APP: variants seen among roughly 807,000 people sequenced by gnomAD.
APP encodes the protein amyloid beta precursor protein.
In APP, 31 loss-of-function variants were observed where a neutral mutation model predicts 101.4. The ratio of observed to expected loss-of-function variants is 0.31; its 90% CI spans 0.23 to 0.41. The LOEUF (loss-of-function observed/expected upper bound fraction) is 0.41. APP is among the 10% of genes least tolerant of loss of function. APP has a pLI of 1.00. For missense variants in APP, 839 were observed against 1,003.7 expected (o/e 0.84, Z 2.22); for synonymous variants, 366 against 364.4 (o/e 1.00, Z -0.05).
intron 5 of APP, among the ~76,000 whole-genome samples, chr21:26,029,584 T>C (rs61091178): frequency 6.6e-6 from 1 of 151,314 alleles, no homozygotes. Flanking sequence ...GCAGGGTGGG[T>C]AGAGCATGTG....
intron 6 of APP, among the ~76,000 whole-genome samples, chr21:26,012,139 C>G (rs1303089596): frequency 6.6e-6 from 1 of 151,688 alleles, no homozygotes; most frequent in African/African-American, 2.4e-5. Flanking sequence ...TCCTGAGTAG[C>G]TGGGACTATA....
intron 2 of APP, 35 bp downstream of exon 2, chr21:26,111,944 C>A (rs1568988846): frequency 1.9e-6 from 3 of 1,612,510 alleles, no homozygotes; most frequent in East Asian, 4.5e-5. Context: ...TGCATGTGAT[C>A]CAACGTGAAT....
At chr21:26,099,958 T>A (rs560424245) in intron 2 of APP, among the ~76,000 whole-genome samples, 1 of 152,370 alleles carries the variant, frequency 6.6e-6, no homozygotes, top group East Asian at 1.9e-4. Flanking sequence ...TATATTGTTA[T>A]ATCCACACTT....
intron 14 of APP, 36 bp from the exon 15 acceptor site, chr21:25,905,113 A>C (rs1453050961): frequency 2.5e-6 from 4 of 1,573,894 alleles, no homozygotes; most frequent in African/African-American, 2.7e-5. Flanking sequence ...GAAAGCAAAC[A>C]AGACAAATCA....
intron 1 of APP, among the ~76,000 whole-genome samples, chr21:26,120,870 C>T (rs2062550441): frequency 6.6e-6 from 1 of 152,176 alleles, no homozygotes; most frequent in African/African-American, 2.4e-5. Context: ...ATACTTCTCC[C>T]AGCAAAGGAC....
intron 1 of APP, among the ~76,000 whole-genome samples, chr21:26,166,018 A>C (rs554264006): frequency 6.6e-6 from 1 of 152,346 alleles, no homozygotes; most frequent in Admixed American, 6.5e-5. Flanking sequence ...ATAATAATCT[A>C]TAACCAAGAT....
Position 26,167,223 on chromosome 21 carries a change from G to T in APP, c.57+3341C>A, listed in dbSNP as rs2063637049. Among the ~76,000 whole-genome samples, 3 of 152,134 alleles carry T rather than the reference G, an allele frequency of 2.0e-5. No homozygotes were observed. The South Asian group carries it at 6.2e-4, about 32-fold the overall frequency. ...CACTTTGTTTTATTATCATGTGCATGTTTTATTTACCCTGCAAACTTCCTG... is the reference window on the plus strand; with the variant it reads ...CACTTTGTTTTATTATCATGTGCATTTTTTATTTACCCTGCAAACTTCCTG... On this transcript the variant is annotated intron_variant, in intron 1 of 17. Coordinates refer to ENST00000346798, the MANE Select transcript of APP (RefSeq NM_000484.4).
At chr21:26,159,218 T>TG (rs1481315282) in intron 1 of APP, among the ~76,000 whole-genome samples, 6 of 152,152 alleles carry the variant, frequency 3.9e-5, no homozygotes, top group African/African-American at 1.4e-4. Flanking sequence ...TAGCTGGGAC[T>TG]ACAGGTGCCT....
At chr21:25,939,743 A>AG (rs1440333325) in intron 13 of APP, among the ~76,000 whole-genome samples, 3 of 152,256 alleles carry the variant, frequency 2.0e-5, no homozygotes, top group Admixed American at 6.5e-5. Flanking sequence ...CAGAAAATCG[A>AG]GGGGCTCTCC....
At chr21:26,141,601 A>G (rs1476410454) in intron 1 of APP, among the ~76,000 whole-genome samples, 14 of 152,190 alleles carry the variant, frequency 9.2e-5, no homozygotes, top group Admixed American at 9.2e-4. Flanking sequence ...CTCTGAAAAC[A>G]TCTGGCAAAT....
At chr21:26,108,942 T>C (rs1470819157) in intron 2 of APP, among the ~76,000 whole-genome samples, 2 of 152,014 alleles carry the variant, frequency 1.3e-5, no homozygotes, top group African/African-American at 4.8e-5. Context: ...GTCTAGTGAC[T>C]TCCTGTTGCT....
intron 3 of APP, among the ~76,000 whole-genome samples, chr21:26,075,962 C>T (rs537386981): frequency 1.6e-4 from 25 of 152,240 alleles, no homozygotes; most frequent in African/African-American, 5.3e-4. Flanking sequence ...GGCGCGATCT[C>T]GGCTCACTGC....
chr21:25,986,784 G>A (rs2042655371), intron 8 of APP, among the ~76,000 whole-genome samples: 1 of 152,152 alleles, frequency 6.6e-6, no homozygotes, highest in Non-Finnish European at 1.5e-5. Flanking sequence ...TAAAGGCTAG[G>A]ATTTCCATGT....
chr21:25,903,736 T>TA (rs2038637014), intron 15 of APP, among the ~76,000 whole-genome samples: 1 of 152,122 alleles, frequency 6.6e-6, no homozygotes, highest in African/African-American at 2.4e-5. Flanking sequence ...ACATTGACAA[T>TA]AAGGAGGACA....
At chr21:25,918,701 T>G (rs543840684) in intron 13 of APP, among the ~76,000 whole-genome samples, 132 of 151,664 alleles carry the variant, frequency 8.7e-4, no homozygotes, top group African/African-American at 3.1e-3. Context: ...ACCACGAGAC[T>G]ATATCCCACA....
chr21:26,074,199 TAA>T (rs1293996328), intron 3 of APP, among the ~76,000 whole-genome samples: 1 of 152,022 alleles, frequency 6.6e-6, no homozygotes, highest in African/African-American at 2.4e-5. Flanking sequence ...AATCAATAAA[TAA>T]AGAGAATGCC....
intron 13 of APP, among the ~76,000 whole-genome samples, chr21:25,924,411 C>CAAAA (rs551284093): frequency 0.022 from 1,246 of 56,788 alleles, 29 homozygotes; most frequent in Middle Eastern, 0.031. Context: ...TTTGCAAATA[C>CAAAA]AAAAAAAAAA....
chr21:26,097,361 A>C (rs2061965510), intron 2 of APP, among the ~76,000 whole-genome samples: 1 of 152,230 alleles, frequency 6.6e-6, no homozygotes, highest in African/African-American at 2.4e-5. Flanking sequence ...GGGATAGCAC[A>C]GTAAGTGTCT....
intron 1 of APP, among the ~76,000 whole-genome samples, chr21:26,136,788 T>C (rs1443487878): frequency 6.6e-6 from 1 of 152,190 alleles, no homozygotes; most frequent in Admixed American, 6.5e-5. Context: ...ATTTAAGTCT[T>C]GGCCCTGACT....
Sources: gnomAD v4.1 joint callset for allele counts (sites outside exome capture counted in the v4.1 genomes callset) on GRCh38, gnomAD v4.1.1 for gene constraint, MANE v1.5 for transcripts, NCBI Gene and HGNC (gene_info 2026-07-23, HGNC 2026-07-21) for gene names.